Variants in CSMD1 observed in about 807,000 individuals in gnomAD.
CSMD1 encodes the protein CUB and sushi domain-containing protein 1.
In CSMD1, 213 loss-of-function variants were observed where a neutral mutation model predicts 417.5. The observed-to-expected ratio is 0.51, with a 90% confidence interval of 0.46 to 0.57. The LOEUF is 0.57. Among genes scored for constraint, CSMD1 ranks in the 20% least tolerant of loss-of-function variants. The probability of loss-of-function intolerance (pLI) is 0.00; values close to 1 mark genes in which losing one functional copy is unlikely to be tolerated. For synonymous variants in CSMD1, 2,862 were observed against 1,736.8 expected, an observed-to-expected ratio of 1.65 and a Z score of -16.11; for missense variants, 6,923 against 4,529.7, an observed-to-expected ratio of 1.53 and a Z score of -15.17.
chr8:3,873,626 G>C (rs781191478), intron 5 of CSMD1, among the ~76,000 whole-genome samples: 1 of 152,042 alleles, frequency 6.6e-6, no homozygotes, highest in Non-Finnish European at 1.5e-5. Flanking sequence ...CCTGAGTGGT[G>C]AAATAATTTG....
chr8:3,019,775 C>T (rs1178622352), intron 51 of CSMD1, among the ~76,000 whole-genome samples: 1 of 152,156 alleles, frequency 6.6e-6, no homozygotes, highest in Non-Finnish European at 1.5e-5. Context: ...CTTACTACAC[C>T]ACTGAAATCT....
chr8:3,696,097 C>T (rs555580724), intron 7 of CSMD1, among the ~76,000 whole-genome samples: 3 of 152,174 alleles, frequency 2.0e-5, no homozygotes, highest in African/African-American at 4.8e-5. Context: ...ACATTTCCTA[C>T]ATATCAGTTA....
At chr8:3,782,311 T>C (rs1584989857) in intron 5 of CSMD1, among the ~76,000 whole-genome samples, 1 of 152,202 alleles carries the variant, frequency 6.6e-6, no homozygotes, top group East Asian at 1.9e-4. Flanking sequence ...CTAACCATAC[T>C]TGTATGATAC....
In CSMD1 at chr8:3,666,020, G is replaced by T. The variant is rs1027697620; in HGVS notation, c.1009+42394C>A. Among the ~76,000 whole-genome samples the T allele has an allele frequency of 2.0e-5, 3 of 152,050 alleles. 1 individual carries two copies. The highest frequency in any genetic ancestry group is 1.3e-4 in the Admixed American group (2 of 15,262). Reference sequence around the variant, plus strand: ...AGCCTCCTCCTGCCTCAGCCTCCACGGAGTAGGTGGGATTACAGGTGCCCA... The same window carrying T: ...AGCCTCCTCCTGCCTCAGCCTCCACTGAGTAGGTGGGATTACAGGTGCCCA... On this transcript the variant is annotated intron_variant, in intron 7 of 69. Coordinates refer to ENST00000635120, the MANE Select transcript of CSMD1 (RefSeq NM_033225.6).
intron 2 of CSMD1, among the ~76,000 whole-genome samples, chr8:4,479,977 AAAAT>A (rs1486413469): frequency 2.0e-5 from 3 of 151,562 alleles, no homozygotes; most frequent in Admixed American, 2.0e-4. Flanking sequence ...AAAAAAAAAA[AAAAT>A]AAAAAGTCAA....
At chr8:3,152,763 C>G (rs1301131343) in intron 39 of CSMD1, among the ~76,000 whole-genome samples, 1 of 152,198 alleles carries the variant, frequency 6.6e-6, no homozygotes, top group East Asian at 1.9e-4. Context: ...CTCAAGGCGA[C>G]TTCTTTGTGG....
At chr8:4,532,239 G>C (rs1796857985) in intron 2 of CSMD1, among the ~76,000 whole-genome samples, 1 of 147,428 alleles carries the variant, frequency 6.8e-6, no homozygotes, top group Non-Finnish European at 1.5e-5. Flanking sequence ...CTCCGGAAGA[G>C]AAATCCTGCA....
intron 12 of CSMD1, among the ~76,000 whole-genome samples, chr8:3,453,379 C>G (rs1233724270): frequency 6.6e-6 from 1 of 151,920 alleles, no homozygotes; most frequent in Non-Finnish European, 1.5e-5. Flanking sequence ...GCTCTTGCTT[C>G]TCTGGTTTTT....
At chr8:4,714,727 T>G (rs1348703967) in intron 1 of CSMD1, among the ~76,000 whole-genome samples, 1 of 152,182 alleles carries the variant, frequency 6.6e-6, no homozygotes, top group African/African-American at 2.4e-5. Flanking sequence ...TTTCCACTTG[T>G]AGAAATTATG....
chr8:4,642,703 C>G (rs563715552), intron 1 of CSMD1, among the ~76,000 whole-genome samples: 1 of 152,280 alleles, frequency 6.6e-6, no homozygotes, highest in East Asian at 1.9e-4. Context: ...CGTGCACAGC[C>G]TTTGAAGTGG....
chr8:3,375,403 T>A (rs1008893972), intron 18 of CSMD1, among the ~76,000 whole-genome samples: 21 of 152,156 alleles, frequency 1.4e-4, no homozygotes, highest in African/African-American at 4.6e-4. Context: ...TTTCTCTTTT[T>A]TTCCATCATT....
At chr8:4,225,201 C>T (rs1465898519) in intron 3 of CSMD1, among the ~76,000 whole-genome samples, 1 of 152,172 alleles carries the variant, frequency 6.6e-6, no homozygotes, top group Admixed American at 6.5e-5. Flanking sequence ...ACTCAGCGCA[C>T]ACCTCCATAA....
intron 5 of CSMD1, among the ~76,000 whole-genome samples, chr8:3,891,648 A>T (rs779711329): frequency 6.6e-6 from 1 of 151,652 alleles, no homozygotes; most frequent in Non-Finnish European, 1.5e-5. Flanking sequence ...ACACCACTGC[A>T]CTAGAGCCTA....
intron 1 of CSMD1, among the ~76,000 whole-genome samples, chr8:4,942,665 G>C (rs142253552): frequency 6.6e-6 from 1 of 152,118 alleles, no homozygotes; most frequent in Non-Finnish European, 1.5e-5. Flanking sequence ...ATACACATGT[G>C]AGTCACCGCA....
chr8:4,856,518 C>T (rs1801809683), intron 1 of CSMD1, among the ~76,000 whole-genome samples: 1 of 139,122 alleles, frequency 7.2e-6, no homozygotes, highest in Non-Finnish European at 1.5e-5. Context: ...ATTCAGGAAA[C>T]CCATCTCACG....
intron 5 of CSMD1, among the ~76,000 whole-genome samples, chr8:3,996,249 G>A (rs1350250092): frequency 6.6e-6 from 1 of 152,034 alleles, no homozygotes. Context: ...AATACCTCTG[G>A]ACTGTCCTAA....
chr8:4,196,029 G>A (rs1238851508), intron 3 of CSMD1, among the ~76,000 whole-genome samples: 2 of 152,010 alleles, frequency 1.3e-5, no homozygotes, highest in Non-Finnish European at 2.9e-5. Flanking sequence ...GGCTAACACA[G>A]TGAAACCTCG....
intron 5 of CSMD1, among the ~76,000 whole-genome samples, chr8:3,963,151 C>G (rs1456888501): frequency 6.6e-6 from 1 of 152,100 alleles, no homozygotes; most frequent in African/African-American, 2.4e-5. Context: ...AGGCTTGACT[C>G]AAACTCCTGA....
chr8:4,438,267 T>C (rs984985705), intron 2 of CSMD1, among the ~76,000 whole-genome samples: 2 of 152,170 alleles, frequency 1.3e-5, no homozygotes, highest in Non-Finnish European at 2.9e-5. Context: ...TTCTTTAAGG[T>C]TGAAGAGACC....
Sources: gnomAD v4.1 joint callset for allele counts (sites outside exome capture counted in the v4.1 genomes callset) on GRCh38, gnomAD v4.1.1 for gene constraint, MANE v1.5 for transcripts, NCBI Gene and HGNC (gene_info 2026-07-23, HGNC 2026-07-21) for gene names.